The following OR51B5 variants were observed in gnomAD, a reference collection of about 807,000 sequenced individuals.
The protein encoded by OR51B5 is olfactory receptor family 51 subfamily B member 5, also known as olfactory receptor 51B5.
For missense variants in OR51B5, 456 were observed against 374.6 expected (o/e 1.22, Z -1.79); for synonymous variants, 186 against 144.8 (o/e 1.28, Z -2.04).
At chr11:5,434,993 G>T (rs1850573956) in intron 1 of OR51B5, among the ~76,000 whole-genome samples, 1 of 152,174 alleles carries the variant, frequency 6.6e-6, no homozygotes, top group Non-Finnish European at 1.5e-5. Flanking sequence ...ATGGCAGATA[G>T]ATTTTTTTTC....
chr11:5,354,879 T>G, intron 1 of OR51B5: 1 of 180,908 alleles, frequency 5.5e-6, no homozygotes, highest in Non-Finnish European at 1.2e-5. Flanking sequence ...TGAGGATGTT[T>G]AGAAGCAATC....
chr11:5,387,114 T>C lies in OR51B5; in HGVS notation n.85-40204A>G, dbSNP rs932029713. Among the ~76,000 whole-genome samples the C allele has an allele frequency of 1.3e-4, 20 of 152,048 alleles. 1 individual carries two copies. Among genetic ancestry groups the C allele is most frequent in the African/African-American group, 4.8e-4 (20 of 41,408 alleles). ...TAATATAATGAATGAGAAGTTAAGG[T>C]GTTCAAGGACAGTAAACTGAATAAC... On this transcript the variant is annotated intron_variant and non_coding_transcript_variant, in intron 1 of 4. Transcript: ENST00000415970.
At chr11:5,457,567 T>G (rs1850978315) in intron 1 of OR51B5, among the ~76,000 whole-genome samples, 1 of 152,248 alleles carries the variant, frequency 6.6e-6, no homozygotes, top group Non-Finnish European at 1.5e-5. Flanking sequence ...GTGGCTGAAC[T>G]AATTTACATT....
At chr11:5,456,029 T>A (rs1850953893) in intron 1 of OR51B5, 1 of 152,212 alleles carries the variant, frequency 6.6e-6, no homozygotes, top group African/African-American at 2.4e-5. Context: ...TATTTCAACA[T>A]GAAATAATAA....
intron 1 of OR51B5, among the ~76,000 whole-genome samples, chr11:5,377,450 G>T (rs932204960): frequency 2.2e-4 from 33 of 152,292 alleles, no homozygotes; most frequent in Admixed American, 1.1e-3. Flanking sequence ...AGTGTTGGAA[G>T]TTCTGGCCAG....
intron 1 of OR51B5, among the ~76,000 whole-genome samples, chr11:5,433,571 G>A (rs1850559754): frequency 6.6e-6 from 1 of 152,162 alleles, no homozygotes; most frequent in South Asian, 2.1e-4. Context: ...ATAAATGTAT[G>A]GTCAGGAGAA....
chr11:5,441,452 C>G (rs553536107), intron 1 of OR51B5: 18 of 1,613,576 alleles, frequency 1.1e-5, no homozygotes, highest in African/African-American at 2.7e-5. Context: ...CTGTTTGTAT[C>G]CCAGGAATGC....
At chr11:5,442,931 G>C (rs772135972) in intron 1 of OR51B5, among the ~76,000 whole-genome samples, 1 of 152,088 alleles carries the variant, frequency 6.6e-6, no homozygotes, top group Non-Finnish European at 1.5e-5. Context: ...CTCCATTCAA[G>C]GGTACTATTT....
intron 1 of OR51B5, among the ~76,000 whole-genome samples, chr11:5,425,649 A>C (rs1281562356): frequency 6.6e-6 from 1 of 152,218 alleles, no homozygotes; most frequent in East Asian, 1.9e-4. Flanking sequence ...TTGGGTACCT[A>C]AAACGCAAAT....
chr11:5,376,319 A>G lies in OR51B5; in HGVS notation n.85-29409T>C, dbSNP rs536129027. Among the ~76,000 whole-genome samples, 8 of 152,182 alleles carry G rather than the reference A, an allele frequency of 5.3e-5. No homozygotes were observed. The South Asian group carries it at 6.2e-4, about 12-fold the overall frequency. ...CTGGGACACATTCGAATCAGTGTGT[A>G]GGGGGAAATTTATAGCACTAAACGC... On this transcript the variant is annotated intron_variant and non_coding_transcript_variant, in intron 1 of 4. Transcript: ENST00000415970.
intron 1 of OR51B5, among the ~76,000 whole-genome samples, chr11:5,394,694 T>C (rs1383392290): frequency 2.0e-5 from 3 of 152,240 alleles, no homozygotes; most frequent in Non-Finnish European, 2.9e-5. Flanking sequence ...TTTTGAATGA[T>C]AGTGCAGACA....
chr11:5,372,103 T>C (rs1271695972), intron 1 of OR51B5, among the ~76,000 whole-genome samples: 2 of 152,140 alleles, frequency 1.3e-5, no homozygotes, highest in Non-Finnish European at 2.9e-5. Flanking sequence ...ATATCATACA[T>C]ACATATGACA....
chr11:5,478,200 A>T (rs1209984669), intron 1 of OR51B5, among the ~76,000 whole-genome samples: 2 of 151,846 alleles, frequency 1.3e-5, no homozygotes, highest in African/African-American at 4.8e-5. Flanking sequence ...TGGGTCCCTG[A>T]CCCCTGAACC....
chr11:5,461,522 G>T (rs1851053301), intron 1 of OR51B5, among the ~76,000 whole-genome samples: 1 of 152,114 alleles, frequency 6.6e-6, no homozygotes. Context: ...GCTCTCTCCA[G>T]GTCTCCCTGC....
At chr11:5,398,985 A>T (rs1241895920) in intron 1 of OR51B5, among the ~76,000 whole-genome samples, 6 of 152,160 alleles carry the variant, frequency 3.9e-5, no homozygotes, top group African/African-American at 1.4e-4. Context: ...CAGGACTCCC[A>T]ACCCCATGTC....
At chr11:5,484,195 T>G (rs980380784) in intron 1 of OR51B5, among the ~76,000 whole-genome samples, 4 of 152,166 alleles carry the variant, frequency 2.6e-5, no homozygotes, top group Non-Finnish European at 5.9e-5. Context: ...GCTAAGTTAC[T>G]GACATCTAGG....
exon 1 of OR51B5, chr11:5,343,167 G>T: frequency 1.2e-6 from 2 of 1,613,782 alleles, no homozygotes. Context: ...GCAATAAAAC[G>T]GTCATAGGCC....
At chr11:5,376,461 T>C (rs1203039967) in intron 1 of OR51B5, among the ~76,000 whole-genome samples, 1 of 151,792 alleles carries the variant, frequency 6.6e-6, no homozygotes, top group Non-Finnish European at 1.5e-5. Flanking sequence ...ATAACTAAAA[T>C]CAGAGCAGAA....
chr11:5,426,043 G>A (rs1391303417), intron 1 of OR51B5, among the ~76,000 whole-genome samples: 1 of 152,172 alleles, frequency 6.6e-6, no homozygotes, highest in Admixed American at 6.5e-5. Flanking sequence ...AAAGAGGAAT[G>A]AACTATCAAG....
Sources: gnomAD v4.1 joint callset for allele counts (sites outside exome capture counted in the v4.1 genomes callset) on GRCh38, gnomAD v4.1.1 for gene constraint, MANE v1.5 for transcripts, NCBI Gene and HGNC (gene_info 2026-07-23, HGNC 2026-07-21) for gene names.